The following AP5M1 variants were observed in gnomAD, a reference collection of about 807,000 sequenced individuals.
The protein encoded by AP5M1 is AP-5 complex subunit mu-1.
Under a neutral mutation model 52.3 loss-of-function variants are expected in AP5M1, and 44 were observed. The observed-to-expected ratio is 0.84, with a 90% confidence interval of 0.66 to 1.08. The LOEUF (loss-of-function observed/expected upper bound fraction) is 1.08, where lower values mean the gene tolerates loss of function less well. AP5M1 is among the 50% of genes least tolerant of loss of function. AP5M1 has a pLI of 0.00. For synonymous variants in AP5M1, 213 were observed against 199.0 expected (o/e 1.07, Z -0.59); for missense variants, 526 against 568.4 (o/e 0.93, Z 0.76).
In AP5M1 at chr14:57,296,456, C is replaced by A. The variant is rs1885554383; in HGVS notation, c.*7572C>A. 1 of 151,872 alleles carries A rather than the reference C, an allele frequency of 6.6e-6. No homozygotes were observed. Among genetic ancestry groups the A allele is most frequent in the African/African-American group, 2.4e-5 (1 of 41,378 alleles). The allele number at this position is 151,872 out of a possible 1,614,324, so 9.4% of individuals were successfully genotyped here. A position where few individuals can be genotyped will look rare whatever the true frequency, so the allele number is the denominator to read the frequency against. On this transcript the variant is annotated 3_prime_UTR_variant, in exon 8 of 8. Coordinates refer to ENST00000261558, the MANE Select transcript of AP5M1 (RefSeq NM_018229.4). Reference sequence around the variant, plus strand: ...AGAGCATCATATATTTATTTTAAGTCTAGAATCAGTAAAAAGTTATGTGTT... The same window carrying A: ...AGAGCATCATATATTTATTTTAAGTATAGAATCAGTAAAAAGTTATGTGTT...
At position 57,294,547 on chromosome 14, in the gene AP5M1, A is replaced by G. The variant is rs1885509583; in HGVS notation, c.*5663A>G. ...TTTCAAAGAAAGTGTGAGCTAATTT[A>G]TTTATATTAACTCTTATTAATTTGC... On this transcript the variant is annotated 3_prime_UTR_variant, in exon 8 of 8. Transcript: ENST00000261558. The G allele has an allele frequency of 6.6e-6, 1 of 151,764 alleles. No homozygotes were observed. The highest frequency in any genetic ancestry group is 1.5e-5 in the Non-Finnish European group (1 of 67,804). 9.4% of individuals were successfully genotyped at this position (151,764 alleles called of 1,614,324 possible).
At chr14:57,283,766 G>A (rs964229088) in intron 6 of AP5M1, among the ~76,000 whole-genome samples, 22 of 152,050 alleles carry the variant, frequency 1.4e-4, no homozygotes, top group African/African-American at 5.1e-4. Flanking sequence ...CAGGTGGATC[G>A]CTTAATCCCA....
Position 57,291,832 on chromosome 14 carries a change from G to A in AP5M1, c.*2948G>A, listed in dbSNP as rs537617929. The A allele has an allele frequency of 6.6e-6, 1 of 151,522 alleles. No individual in the cohort carries two copies. Among genetic ancestry groups the A allele is most frequent in the South Asian group, 2.1e-4 (1 of 4,806 alleles). 9.4% of individuals were successfully genotyped at this position (151,522 alleles called of 1,614,324 possible). On this transcript the variant is annotated 3_prime_UTR_variant, in exon 8 of 8. Transcript: ENST00000261558. ...TCAAAATACTTCGTAGACATTGATA[G>A]ACTCCTACACTACCCCTGGGAGCTA... is the stretch of plus-strand genomic sequence containing the variant.
chr14:57,284,580 G>A (rs1885263420), intron 6 of AP5M1, among the ~76,000 whole-genome samples: 1 of 152,050 alleles, frequency 6.6e-6, no homozygotes, highest in Non-Finnish European at 1.5e-5. Context: ...GAAGGGAGAA[G>A]GGAGAAAAAT....
Position 57,269,397 on chromosome 14 carries a change from A to C in AP5M1, c.74+9A>C. 6.2e-7 allele frequency: 1 copy of C among 1,613,876 alleles called. No homozygotes were observed. The highest frequency in any genetic ancestry group is 2.2e-5 in the East Asian group (1 of 44,880). On this transcript the variant is annotated intron_variant, in intron 1 of 7. Transcript: ENST00000261558. ...ACCGTGAGATTCTCCAGGTAAATGC[A>C]AATCTGAATCCTCAGGGATGATGGA...
At position 57,297,487 on chromosome 14, in the gene AP5M1, G is replaced by A. The variant is rs1885576652; in HGVS notation, c.*8603G>A. ...CAACTATCCTAATGTGTAGTCAATT[G>A]ATAAACTAAATTTTTCTTTAGGATA... On this transcript the variant is annotated 3_prime_UTR_variant, in exon 8 of 8. Coordinates refer to ENST00000261558, the MANE Select transcript of AP5M1 (RefSeq NM_018229.4). 1 of 152,046 alleles carries A rather than the reference G, an allele frequency of 6.6e-6. No individual in the cohort carries two copies. The highest frequency in any genetic ancestry group is 1.5e-5 in the Non-Finnish European group (1 of 68,000). The allele number at this position is 152,046 out of a possible 1,614,324, so 9.4% of individuals were successfully genotyped here. A position where few individuals can be genotyped will look rare whatever the true frequency, so the allele number is the denominator to read the frequency against.
intron 1 of AP5M1, among the ~76,000 whole-genome samples, chr14:57,269,878 C>T (rs1483807810): frequency 6.6e-6 from 1 of 152,042 alleles, no homozygotes; most frequent in Non-Finnish European, 1.5e-5. Context: ...GTGCGATCTC[C>T]GCTCACTGCA....
At position 57,271,516 on chromosome 14, in the gene AP5M1, T is replaced by A. The variant is rs1884895444; in HGVS notation, c.74+2128T>A. On this transcript the variant is annotated intron_variant, in intron 1 of 7. Coordinates refer to ENST00000261558, the MANE Select transcript of AP5M1 (RefSeq NM_018229.4). The stretch of plus-strand genomic sequence containing the variant: ...GCCTGTACATGTCTTGTCCTTTTTT[T>A]CTTTGAAAGTTGCTTATTTTTTCCT... Among the ~76,000 whole-genome samples the A allele has an allele frequency of 2.0e-5, 3 of 152,258 alleles. No homozygotes were observed. The South Asian group carries it at 6.2e-4, about 32-fold the overall frequency.
chr14:57,275,409 G>GGAGAGAGAGAGGA (rs1885006434), intron 2 of AP5M1: 1 of 138,986 alleles, frequency 7.2e-6, no homozygotes. Context: ...GGTGGGGGGG[G>GGAGAGAGAGAGGA]GAGAGAGAGA....
At chr14:57,287,680 G>C (rs1885341087) in intron 7 of AP5M1, among the ~76,000 whole-genome samples, 4 of 151,974 alleles carry the variant, frequency 2.6e-5, no homozygotes, top group Admixed American at 2.6e-4. Context: ...GTTAGTTTCA[G>C]AATGTGACTG....
chr14:57,279,628 C>T (rs2139690500), intron 2 of AP5M1, among the ~76,000 whole-genome samples: 1 of 152,120 alleles, frequency 6.6e-6, no homozygotes, highest in Admixed American at 6.5e-5. Flanking sequence ...AACACCATGG[C>T]CCACGTTTAC....
At position 57,294,771 on chromosome 14, in the gene AP5M1, TG is replaced by T. The variant is rs1390455848; in HGVS notation, c.*5888del. Reference sequence around the variant, plus strand: ...GTTATTGCAGATGTAGGGAATAGCTTGTTTCCCATTATGTTTCTAGAATATT... The same window carrying T: ...GTTATTGCAGATGTAGGGAATAGCTTTTTCCCATTATGTTTCTAGAATATT... On this transcript the variant is annotated 3_prime_UTR_variant, in exon 8 of 8. Coordinates refer to ENST00000261558, the MANE Select transcript of AP5M1 (RefSeq NM_018229.4). 1 of 151,870 alleles carries T rather than the reference TG, an allele frequency of 6.6e-6. No individual in the cohort carries two copies. Among genetic ancestry groups the T allele is most frequent in the African/African-American group, 2.4e-5 (1 of 41,398 alleles). 9.4% of individuals were successfully genotyped at this position (151,870 alleles called of 1,614,324 possible).
At chr14:57,282,287 C>G in intron 4 of AP5M1, 59 bp downstream of exon 4, 1 of 1,291,290 alleles carries the variant, frequency 7.7e-7, no homozygotes, top group Non-Finnish European at 1.0e-6. Context: ...TTCCACTGTC[C>G]CACAGTAAAT....
In AP5M1 at chr14:57,274,257, GT is replaced by G; in HGVS notation, c.90del (p.Glu31LysfsTer57). The G allele has an allele frequency of 6.2e-7, 1 of 1,609,964 alleles. No individual in the cohort carries two copies. Among genetic ancestry groups the G allele is most frequent in the Non-Finnish European group, 8.5e-7 (1 of 1,177,778 alleles). On this transcript the variant is annotated frameshift_variant, in exon 2 of 8. Transcript: ENST00000261558. LOFTEE classifies it high-confidence loss of function. ...TVRFSRRYPT[V>X]EKRARVFNGA... ...TCCGTAATGCAGACGGTATCCAACT[GT>G]TGAAAAACGAGCCAGAGTCTTCAAT...
chr14:57,272,938 G>GT (rs1442413404), intron 1 of AP5M1, among the ~76,000 whole-genome samples: 8 of 151,980 alleles, frequency 5.3e-5, no homozygotes, highest in Admixed American at 1.3e-4. Context: ...TTGTTTGTTT[G>GT]TTTTTTGAGA....
chr14:57,288,500 G>A (rs1489589858), intron 7 of AP5M1, among the ~76,000 whole-genome samples: 1 of 151,972 alleles, frequency 6.6e-6, no homozygotes, highest in African/African-American at 2.4e-5. Context: ...TGTTTTTGCA[G>A]TCAGAGTAAT....
chr14:57,273,638 T>G (rs1363926353), intron 1 of AP5M1: 1 of 661,370 alleles, frequency 1.5e-6, no homozygotes, highest in East Asian at 2.7e-5. Context: ...TCTTTTTTAT[T>G]ATCTAAAAGT....
chr14:57,292,080 ACAT>A lies in AP5M1; in HGVS notation c.*3200_*3202del, dbSNP rs1885449358. 1 of 151,896 alleles carries A rather than the reference ACAT, an allele frequency of 6.6e-6. No homozygotes were observed. Among genetic ancestry groups the A allele is most frequent in the South Asian group, 2.1e-4 (1 of 4,830 alleles). 9.4% of individuals were successfully genotyped at this position (151,896 alleles called of 1,614,324 possible). A position where few individuals can be genotyped will look rare whatever the true frequency, so the allele number is the denominator to read the frequency against. ...AACTTTGCAATACTTTCCTGTTCTG[ACAT>A]CATTTAGATAGTTAGCTGTATTATC... On this transcript the variant is annotated 3_prime_UTR_variant, in exon 8 of 8. Transcript: ENST00000261558.
chr14:57,274,845 G>A lies in AP5M1; in HGVS notation c.676G>A (p.Gly226Ser), dbSNP rs10137359. Residue 226 changes from glycine (G) to serine (S), a missense_variant, in exon 2 of 8, where the codon GGT becomes AGT. Physicochemically the swap from Gly to Ser is moderately conservative, Grantham distance 56. Around this residue, in one of 3 missense-constraint regions of AP5M1, gnomAD observed 425 missense variants for 430.6 expected, o/e 0.99. Transcript: ENST00000261558. Reference protein sequence around the residue: ...KVKSMQYDKQGIADTWQVVGT... With the variant: ...KVKSMQYDKQSIADTWQVVGT... ...AAAATCCATGCAATATGATAAACAG[G>A]GTATAGCAGATACATGGCAAGTTGT... 7 of 1,614,032 alleles carry A rather than the reference G, an allele frequency of 4.3e-6. No individual in the cohort carries two copies. Among genetic ancestry groups the A allele is most frequent in the South Asian group, 1.1e-5 (1 of 91,072 alleles).
Sources: allele counts gnomAD v4.1 joint callset (sites outside exome capture counted in the v4.1 genomes callset), GRCh38; gene constraint gnomAD v4.1.1; regional missense constraint gnomAD v4.1.1; transcripts MANE v1.5; gene names NCBI Gene and HGNC (gene_info 2026-07-23, HGNC 2026-07-21).